Variants in SLC6A20 observed in about 807,000 individuals in gnomAD.
SLC6A20 encodes solute carrier family 6 member 20.
In SLC6A20, 73 loss-of-function variants were observed where a neutral mutation model predicts 64.3. The ratio of observed to expected loss-of-function variants is 1.14; its 90% CI spans 0.94 to 1.38. The LOEUF (loss-of-function observed/expected upper bound fraction) is 1.38, where lower values mean the gene tolerates loss of function less well. Among genes scored for constraint, SLC6A20 ranks in the 40% most tolerant of loss-of-function variants. The pLI, the probability that SLC6A20 is intolerant of heterozygous loss-of-function variation, is 0.00. For synonymous variants in SLC6A20, 347 were observed against 329.6 expected (o/e 1.05, Z -0.57); for missense variants, 725 against 772.8 (o/e 0.94, Z 0.73).
Position 45,775,790 on chromosome 3 carries a change from T to C in SLC6A20, c.553A>G (p.Ile185Val). ...CCAGTGGACTCGGTGCCACGCAGGA[T>C]GCACAGGTACACCACCAGCCAGGCC... ...LLAWLVVYLC[I>V]LRGTESTGKV... Residue 185 changes from isoleucine (I) to valine (V), a missense_variant, in exon 4 of 11, where the codon ATC becomes GTC. Transcript: ENST00000358525. The C allele has an allele frequency of 2.5e-6, 4 of 1,614,066 alleles. No individual in the cohort carries two copies. Among genetic ancestry groups the C allele is most frequent in the Non-Finnish European group, 3.4e-6 (4 of 1,179,972 alleles).
intron 2 of SLC6A20, among the ~76,000 whole-genome samples, chr3:45,781,158 T>C (rs1575434277): frequency 6.6e-6 from 1 of 150,918 alleles, no homozygotes; most frequent in Non-Finnish European, 1.5e-5. Context: ...GAGTGGAGGT[T>C]GCAGTGAGCC....
At position 45,758,917 on chromosome 3, in the gene SLC6A20, C is replaced by G; in HGVS notation, c.*61G>C. ...TGGCTTAAGCATTTGAAAAAGCAGC[C>G]GAGGAGTTTCCGCCTGTAAATAGTA... On this transcript the variant is annotated 3_prime_UTR_variant, in exon 11 of 11. Coordinates refer to ENST00000358525, the MANE Select transcript of SLC6A20 (RefSeq NM_020208.4). 1.3e-6 allele frequency: 2 copies of G among 1,516,964 alleles called. No homozygotes were observed. The highest frequency in any genetic ancestry group is 8.8e-7 in the Non-Finnish European group (1 of 1,131,970). The allele number at this position is 1,516,964 out of a possible 1,614,324, so 94.0% of individuals were successfully genotyped here.
intron 3 of SLC6A20, among the ~76,000 whole-genome samples, chr3:45,776,664 A>G (rs1699973749): frequency 6.6e-6 from 1 of 152,160 alleles, no homozygotes; most frequent in Non-Finnish European, 1.5e-5. Flanking sequence ...ACATTGCAGG[A>G]AATGCCATTC....
intron 3 of SLC6A20, among the ~76,000 whole-genome samples, chr3:45,776,455 CAG>C (rs1339944425): frequency 6.6e-6 from 1 of 152,112 alleles, no homozygotes; most frequent in African/African-American, 2.4e-5. Flanking sequence ...GAGAAAGTGA[CAG>C]AGAGCCCAGT....
chr3:45,775,345 A>T (rs1248045926), intron 4 of SLC6A20, among the ~76,000 whole-genome samples: 1 of 152,144 alleles, frequency 6.6e-6, no homozygotes, highest in Non-Finnish European at 1.5e-5. Flanking sequence ...GGGCTAAGGC[A>T]TGAGATTTTT....
At chr3:45,766,373 G>A (rs531495612) in intron 7 of SLC6A20, among the ~76,000 whole-genome samples, 15 of 152,126 alleles carry the variant, frequency 9.9e-5, no homozygotes, top group African/African-American at 2.9e-4. Flanking sequence ...CCCCCCACCC[G>A]GTTTAGATGC....
chr3:45,781,146 G>A (rs1053313932), intron 2 of SLC6A20, among the ~76,000 whole-genome samples: 3 of 152,096 alleles, frequency 2.0e-5, no homozygotes, highest in Admixed American at 6.5e-5. Flanking sequence ...GGTTGAATCC[G>A]GGAGTGGAGG....
chr3:45,782,767 C>T (rs545877748), intron 1 of SLC6A20, among the ~76,000 whole-genome samples: 2 of 152,326 alleles, frequency 1.3e-5, no homozygotes, highest in Non-Finnish European at 2.9e-5. Flanking sequence ...GTCTGTTCGT[C>T]CATCCATCTG....
intron 1 of SLC6A20, among the ~76,000 whole-genome samples, chr3:45,782,518 ATCTT>A (rs1348713472): frequency 1.3e-5 from 2 of 151,548 alleles, no homozygotes; most frequent in African/African-American, 4.8e-5. Context: ...TCTTCTGTCT[ATCTT>A]TCCATCCTTC....
chr3:45,756,510 G>T lies in SLC6A20; in HGVS notation c.*2468C>A, dbSNP rs1699546020. 6.6e-6 allele frequency: 1 copy of T among 152,214 alleles called. No individual in the cohort carries two copies. The highest frequency in any genetic ancestry group is 2.4e-5 in the African/African-American group (1 of 41,446). The allele number at this position is 152,214 out of a possible 1,614,324, so 9.4% of individuals were successfully genotyped here. A position where few individuals can be genotyped will look rare whatever the true frequency, so the allele number is the denominator to read the frequency against. ...AAATGTATGATAACTGGACAATCAG[G>T]TGAAGCTGGAAGATGAGATGGTTGC... On this transcript the variant is annotated 3_prime_UTR_variant, in exon 11 of 11. Coordinates refer to ENST00000358525, the MANE Select transcript of SLC6A20 (RefSeq NM_020208.4).
At chr3:45,775,682 T>C in intron 4 of SLC6A20, 79 bp downstream of exon 4, 2 of 1,394,742 alleles carry the variant, frequency 1.4e-6, no homozygotes, top group East Asian at 2.3e-5. Context: ...TTGCCTAGGG[T>C]TGGAGACAGA....
rs1255683363 is a variant in SLC6A20 at position 45,765,524 on chromosome 3, T to C, written c.1303+13A>G. 1 of 1,606,918 alleles carries C rather than the reference T, an allele frequency of 6.2e-7. No homozygotes were observed. The highest frequency in any genetic ancestry group is 1.7e-5 in the Admixed American group (1 of 58,840). ...CCTGACCCCTGCCTCCTCCACTGGCTGGCCCCGCTGACCTGAGATGGCCTC... is the reference window on the plus strand; with the variant it reads ...CCTGACCCCTGCCTCCTCCACTGGCCGGCCCCGCTGACCTGAGATGGCCTC... On this transcript the variant is annotated intron_variant, in intron 8 of 10. Coordinates refer to ENST00000358525, the MANE Select transcript of SLC6A20 (RefSeq NM_020208.4). The surrounding 1 kb of genome is among the most constrained non-coding windows in gnomAD (Gnocchi z 4.2).
chr3:45,762,023 A>C (rs531195792), intron 9 of SLC6A20, among the ~76,000 whole-genome samples: 67 of 152,304 alleles, frequency 4.4e-4, no homozygotes, highest in African/African-American at 1.5e-3. Context: ...AGAGGGCAGA[A>C]AACAACGTGG....
intron 1 of SLC6A20, among the ~76,000 whole-genome samples, chr3:45,785,186 G>T (rs1012574764): frequency 2.6e-5 from 4 of 152,174 alleles, no homozygotes; most frequent in African/African-American, 4.8e-5. Context: ...AGGAGTAGGG[G>T]AGTAGGAAGG....
At chr3:45,766,693 A>G (rs956821924) in intron 7 of SLC6A20, among the ~76,000 whole-genome samples, 1 of 152,248 alleles carries the variant, frequency 6.6e-6, no homozygotes, top group Admixed American at 6.5e-5. Context: ...TAGCCTTATA[A>G]CAAGAGGAAG....
chr3:45,780,461 T>C (rs1700061321), intron 2 of SLC6A20, among the ~76,000 whole-genome samples: 3 of 152,244 alleles, frequency 2.0e-5, no homozygotes, highest in Admixed American at 6.5e-5. Context: ...TGCCCAAGAC[T>C]ACCCGGCTGT....
Position 45,772,465 on chromosome 3 carries a change from G to A in SLC6A20, c.693+40C>T, listed in dbSNP as rs760974780. ...CCCATCCTGGAAGGTGGCAGGATAA[G>A]TGAGGGGTGCCCGTAGGGCCCTTCC... On this transcript the variant is annotated intron_variant, in intron 5 of 10. Coordinates refer to ENST00000358525, the MANE Select transcript of SLC6A20 (RefSeq NM_020208.4). 3.2e-6 allele frequency: 5 copies of A among 1,562,418 alleles called. No homozygotes were observed. The South Asian group carries it at 4.6e-5, about 14-fold the overall frequency.
intron 9 of SLC6A20, among the ~76,000 whole-genome samples, chr3:45,760,558 C>T (rs1699653908): frequency 6.6e-6 from 1 of 152,140 alleles, no homozygotes; most frequent in East Asian, 1.9e-4. Context: ...GGACCGTAGC[C>T]CTGGCCTGCT....
chr3:45,780,029 A>T lies in SLC6A20; in HGVS notation c.334T>A (p.Tyr112Asn). The T allele has an allele frequency of 6.2e-7, 1 of 1,604,402 alleles. No individual in the cohort carries two copies. Among genetic ancestry groups the T allele is most frequent in the African/African-American group, 1.3e-5 (1 of 74,870 alleles). The change falls in exon 3 of 11, where the codon TAC (tyrosine) becomes AAC (asparagine). Residue 112 changes from tyrosine (Y) to asparagine (N), a missense_variant. Coordinates refer to ENST00000358525, the MANE Select transcript of SLC6A20 (RefSeq NM_020208.4). ...YNVINAWAFWYLFHSFQDPLP... is the reference protein window; with the variant it reads ...YNVINAWAFWNLFHSFQDPLP... ...CTCACCTGGAAGGAGTGGAAGAGGTACCAGAAGGCCCAGGCGTTGATGACG... is the reference window on the plus strand; with the variant it reads ...CTCACCTGGAAGGAGTGGAAGAGGTTCCAGAAGGCCCAGGCGTTGATGACG...
Sources: gnomAD v4.1 joint callset for allele counts (sites outside exome capture counted in the v4.1 genomes callset) on GRCh38, gnomAD v4.1.1 for gene constraint, Gnocchi (gnomAD v3.1) non-coding constraint, MANE v1.5 for transcripts, NCBI Gene and HGNC (gene_info 2026-07-23, HGNC 2026-07-21) for gene names.